The following NHS variants were observed in gnomAD, a reference collection of about 807,000 sequenced individuals.
NHS encodes NHS actin remodeling regulator.
Under a neutral mutation model 72.5 loss-of-function variants are expected in NHS, and 5 were observed. The observed-to-expected ratio is 0.07, with a 90% CI of 0.04 to 0.14. NHS has a LOEUF of 0.14. Ranked by LOEUF, NHS falls within the 10% of genes least tolerant of loss-of-function variation. The pLI is 1.00. For missense variants in NHS, 1,072 were observed against 1,355.7 expected, an observed-to-expected ratio of 0.79 and a Z score of 3.29; for synonymous variants, 464 against 547.7, an observed-to-expected ratio of 0.85 and a Z score of 2.13.
chrX:17,674,322 G>A (rs930719554), intron 1 of NHS, among the ~76,000 whole-genome samples: 1 of 112,221 alleles, frequency 8.9e-6, no homozygotes, highest in Non-Finnish European at 1.9e-5. Flanking sequence ...AGCACAAAAT[G>A]CCTTGAACTT....
chrX:17,400,369 C>A (rs760618461), intron 1 of NHS, among the ~76,000 whole-genome samples: 5 of 111,395 alleles, frequency 4.5e-5, no homozygotes, highest in Non-Finnish European at 9.4e-5. Context: ...GGGTGGATTA[C>A]GAGGTCAGGA....
At chrX:17,531,507 C>T (rs980857283) in intron 1 of NHS, among the ~76,000 whole-genome samples, 5 of 112,256 alleles carry the variant, frequency 4.5e-5, no homozygotes, top group African/African-American at 1.6e-4. Flanking sequence ...TGCATTTGTC[C>T]AGTCTCTTTT....
At chrX:17,538,340 AG>A (rs774383685) in intron 1 of NHS, among the ~76,000 whole-genome samples, 2 of 111,519 alleles carry the variant, frequency 1.8e-5, no homozygotes, top group Admixed American at 9.5e-5. Context: ...CTCTTTGCTC[AG>A]GGGGGTCCTG....
intron 1 of NHS, among the ~76,000 whole-genome samples, chrX:17,676,389 C>G (rs1211180498): frequency 9.0e-6 from 1 of 111,642 alleles, no homozygotes; most frequent in Admixed American, 9.5e-5. Context: ...TCTATTTTTC[C>G]CATGGAGAGA....
chrX:17,689,593 G>C (rs1260144613), intron 2 of NHS, among the ~76,000 whole-genome samples: 1 of 111,850 alleles, frequency 8.9e-6, no homozygotes, highest in Non-Finnish European at 1.9e-5. Flanking sequence ...ATTAATCTAT[G>C]AGCAACTCAA....
intron 1 of NHS, among the ~76,000 whole-genome samples, chrX:17,487,137 G>A (rs774649810): frequency 8.9e-6 from 1 of 112,213 alleles, no homozygotes; most frequent in East Asian, 2.8e-4. Context: ...TATCACAAAT[G>A]TCTCATTTAA....
intron 1 of NHS, among the ~76,000 whole-genome samples, chrX:17,566,689 GT>G (rs769976244): frequency 9.4e-4 from 96 of 102,078 alleles, no homozygotes; most frequent in East Asian, 2.0e-3. Context: ...GCATTTGTTT[GT>G]TTTTTTTTTT....
At chrX:17,609,948 T>C (rs753306848) in intron 1 of NHS, among the ~76,000 whole-genome samples, 1 of 111,438 alleles carries the variant, frequency 9.0e-6, no homozygotes, top group Admixed American at 9.5e-5. Flanking sequence ...TGGGTAGAAA[T>C]GGGATGTTCA....
rs376538174 is a variant in NHS at position 17,652,621 on chromosome X, T to TA, written c.566-35115dup. Among the ~76,000 whole-genome samples, 444 of 111,639 alleles carry TA rather than the reference T, an allele frequency of 4.0e-3. 2 individuals are homozygous for TA. Among genetic ancestry groups the TA allele is most frequent in the African/African-American group, 0.014 (422 of 30,675 alleles). On this transcript the variant is annotated intron_variant, in intron 1 of 8. Transcript: ENST00000676302. ...ATAAGGAGAGTCTGGTTAATGAATT[T>TA]AAAAAATTACAGCTAGATAGGTGGA...
intron 1 of NHS, among the ~76,000 whole-genome samples, chrX:17,474,949 A>C (rs746805357): frequency 1.8e-5 from 2 of 108,244 alleles, no homozygotes; most frequent in Admixed American, 2.0e-4. Context: ...AACTGAAAAA[A>C]CTCCCTGTGC....
chrX:17,452,820 C>T (rs1040963265), intron 1 of NHS, among the ~76,000 whole-genome samples: 1 of 112,069 alleles, frequency 8.9e-6, no homozygotes, highest in African/African-American at 3.2e-5. Flanking sequence ...AAAAAAGCTG[C>T]CAAAGTCACT....
chrX:17,635,367 CA>C, intron 1 of NHS: 7 of 1,127,532 alleles, frequency 6.2e-6, no homozygotes, highest in Non-Finnish European at 8.2e-6. Context: ...TCTCCCCCTC[CA>C]GGGGGGAGTC....
chrX:17,543,257 C>G (rs1283547285), intron 1 of NHS, among the ~76,000 whole-genome samples: 5 of 112,132 alleles, frequency 4.5e-5, no homozygotes, highest in African/African-American at 6.5e-5. Flanking sequence ...AACAGATATT[C>G]TGATGCATTT....
intron 1 of NHS, among the ~76,000 whole-genome samples, chrX:17,553,764 G>T (rs943474637): frequency 1.8e-5 from 2 of 111,431 alleles, no homozygotes; most frequent in African/African-American, 6.5e-5. Flanking sequence ...TGTTTCGGGG[G>T]CGGGGTAGGG....
At chrX:17,575,200 C>T (rs1414294955) in intron 1 of NHS, among the ~76,000 whole-genome samples, 3 of 112,160 alleles carry the variant, frequency 2.7e-5, no homozygotes, top group South Asian at 3.7e-4. Context: ...CACACACTGG[C>T]GTGCCCCTTT....
intron 3 of NHS, among the ~76,000 whole-genome samples, chrX:17,699,176 A>G (rs1332064512): frequency 8.9e-6 from 1 of 112,243 alleles, no homozygotes; most frequent in Non-Finnish European, 1.9e-5. Context: ...AATAAGTTTA[A>G]CACAATTTCA....
rs772788378 is a variant in NHS at position 17,727,996 on chromosome X, A to G, written c.3890A>G (p.Asp1297Gly). Residue 1297 changes from aspartate (D) to glycine (G), a missense_variant, in exon 7 of 9, where the codon GAC becomes GGC. Transcript: ENST00000676302. ...ATAATACAATATGGACCTGGTCCAGACGAAACTCTAGAACAGGTACAGAAG... is the reference window on the plus strand; with the variant it reads ...ATAATACAATATGGACCTGGTCCAGGCGAAACTCTAGAACAGGTACAGAAG... ...GKIIQYGPGP[D>G]ETLEQVQKAP... The G allele has an allele frequency of 7.4e-6, 9 of 1,210,147 alleles. No individual in the cohort carries two copies. In the African/African-American group the frequency reaches 1.6e-4, roughly 21 times the overall value.
chrX:17,711,932 A>G (rs192927443), intron 3 of NHS, among the ~76,000 whole-genome samples: 108 of 110,345 alleles, frequency 9.8e-4, no homozygotes, highest in African/African-American at 3.5e-3. Context: ...TATAAACTTT[A>G]TAAGTATTTT....
intron 1 of NHS, among the ~76,000 whole-genome samples, chrX:17,642,237 C>T (rs1027222825): frequency 8.9e-6 from 1 of 112,312 alleles, no homozygotes; most frequent in Non-Finnish European, 1.9e-5. Context: ...TGAGCCGCCA[C>T]GCTCGACCTA....
Sources: allele counts gnomAD v4.1 joint callset (sites outside exome capture counted in the v4.1 genomes callset), GRCh38; gene constraint gnomAD v4.1.1; transcripts MANE v1.5; gene names NCBI Gene and HGNC (gene_info 2026-07-23, HGNC 2026-07-21).